IGSF10: variants seen among roughly 807,000 people sequenced by gnomAD.
IGSF10 encodes calvaria mechanical force protein 608.
In IGSF10, 126 loss-of-function variants were observed where a neutral mutation model predicts 128.2. That is an observed-to-expected ratio of 0.98 (90% CI 0.85 to 1.14). IGSF10 has a LOEUF of 1.14. Ranked by LOEUF, IGSF10 falls within the 50% of genes most tolerant of loss-of-function variation. The pLI is 0.00. For synonymous variants in IGSF10, 1,185 were observed against 1,146.2 expected, an observed-to-expected ratio of 1.03 and a Z score of -0.68; for missense variants, 3,295 against 3,149.8, an observed-to-expected ratio of 1.05 and a Z score of -1.10.
At chr3:151,451,706 A>G (rs1486187290) in intron 5 of IGSF10, among the ~76,000 whole-genome samples, 1 of 152,254 alleles carries the variant, frequency 6.6e-6, no homozygotes, top group Non-Finnish European at 1.5e-5. Flanking sequence ...TTTCCATTGT[A>G]TCACATGTAT....
Position 151,458,730 on chromosome 3 carries a change from CAG to C in IGSF10, c.-1-22_-1-21del, listed in dbSNP as rs770119547. The C allele has an allele frequency of 2.5e-4, 394 of 1,603,452 alleles. No individual in the cohort carries two copies. Among genetic ancestry groups the C allele is most frequent in the Non-Finnish European group, 3.1e-4 (360 of 1,173,774 alleles). ...TTCATCCTGAAAAAACATCATACCT[CAG>C]AGTTATAAAGAGTGGTGGAGCAAAG... On this transcript the variant is annotated intron_variant, in intron 2 of 7. Transcript: ENST00000282466.
chr3:151,554,974 T>C, the IGSF10 span, among the ~76,000 whole-genome samples: 1 of 152,152 alleles, frequency 6.6e-6, no homozygotes, highest in South Asian at 2.1e-4. Context: ...AATAAATAAT[T>C]GATATGGAAT....
the IGSF10 span, among the ~76,000 whole-genome samples, chr3:151,606,396 G>A: frequency 6.6e-6 from 1 of 152,058 alleles, no homozygotes; most frequent in African/African-American, 2.4e-5. Flanking sequence ...ACTAAGTGAG[G>A]GTAAGATCAT....
At chr3:151,439,736 GA>G (rs1178149860) in intron 7 of IGSF10, among the ~76,000 whole-genome samples, 1 of 152,214 alleles carries the variant, frequency 6.6e-6, no homozygotes, top group Non-Finnish European at 1.5e-5. Context: ...GAGCTGTGTG[GA>G]ATACCATTTT....
In IGSF10 at chr3:151,438,441, A is replaced by G; in HGVS notation, c.6120T>C (p.Ile2040=). ...GCTTTCTAAAATACTGCTTGTGGTC[A>G]ATTTTGGCAGGTTTCAGTCTTAGGC... The part of the protein sequence containing the change: ...HVSLRLKPAK[I]DHKQYFRKQV... Residue 2040 remains isoleucine, a synonymous_variant, in exon 8 of 8, where the codon ATT becomes ATC. Transcript: ENST00000282466. 1.9e-6 allele frequency: 3 copies of G among 1,614,086 alleles called. No homozygotes were observed. Among genetic ancestry groups the G allele is most frequent in the Non-Finnish European group, 2.5e-6 (3 of 1,180,000 alleles).
the IGSF10 span, among the ~76,000 whole-genome samples, chr3:151,525,132 C>A: frequency 6.8e-6 from 1 of 147,514 alleles, no homozygotes; most frequent in Non-Finnish European, 1.5e-5. Flanking sequence ...CTCAAGTGAT[C>A]CTTCCACCTC....
the IGSF10 span, among the ~76,000 whole-genome samples, chr3:151,571,612 G>A: frequency 3.3e-5 from 5 of 152,292 alleles, no homozygotes; most frequent in African/African-American, 9.6e-5. Flanking sequence ...AGCTTAAGGA[G>A]ATTTTGGGCT....
At chr3:151,578,870 G>C in the IGSF10 span, among the ~76,000 whole-genome samples, 1 of 152,136 alleles carries the variant, frequency 6.6e-6, no homozygotes, top group African/African-American at 2.4e-5. Flanking sequence ...GAATCATTGA[G>C]GAAGACATAC....
chr3:151,524,306 C>A, the IGSF10 span, among the ~76,000 whole-genome samples: 1 of 152,126 alleles, frequency 6.6e-6, no homozygotes, highest in Non-Finnish European at 1.5e-5. Context: ...ATAAATTATT[C>A]TACCATAAAG....
chr3:151,609,253 TG>T, the IGSF10 span, among the ~76,000 whole-genome samples: 2 of 152,112 alleles, frequency 1.3e-5, no homozygotes, highest in Non-Finnish European at 2.9e-5. Context: ...TCAGCATATC[TG>T]GGGCACAATG....
chr3:151,538,898 G>C, the IGSF10 span, among the ~76,000 whole-genome samples: 1 of 152,172 alleles, frequency 6.6e-6, no homozygotes, highest in Non-Finnish European at 1.5e-5. Flanking sequence ...AACAAAACAT[G>C]CATTGTGAGA....
chr3:151,460,414 G>A (rs1721995166), intron 1 of IGSF10, 67 bp from the exon 2 acceptor site: 1 of 389,236 alleles, frequency 2.6e-6, no homozygotes, highest in Non-Finnish European at 3.5e-6. Context: ...CTTACAGCCA[G>A]GAGTAATGCT....
At position 151,448,672 on chromosome 3, in the gene IGSF10, G is replaced by T. The variant is rs1489476312; in HGVS notation, c.1309C>A (p.Gln437Lys). ...SWLMQDQISL[Q>K]LNRTATTFST... ...AATGTGGTGGCAGTTCTGTTCAGCTGCAAGGAAATTTGGTCTTGCATTAAC... is the reference window on the plus strand; with the variant it reads ...AATGTGGTGGCAGTTCTGTTCAGCTTCAAGGAAATTTGGTCTTGCATTAAC... Residue 437 changes from glutamine (Q) to lysine (K), a missense_variant, in exon 6 of 8, where the codon CAG (glutamine) becomes AAG (lysine). Transcript: ENST00000282466. 1 of 1,614,014 alleles carries T rather than the reference G, an allele frequency of 6.2e-7. No homozygotes were observed.
the IGSF10 span, among the ~76,000 whole-genome samples, chr3:151,505,184 G>C: frequency 1.3e-5 from 2 of 152,178 alleles, no homozygotes; most frequent in African/African-American, 2.4e-5. Context: ...AAGAAAAGAG[G>C]TTTAATTGAC....
the IGSF10 span, among the ~76,000 whole-genome samples, chr3:151,571,344 T>C: frequency 9.2e-5 from 14 of 151,760 alleles, no homozygotes; most frequent in East Asian, 2.1e-3. Flanking sequence ...TTCACGATAT[T>C]GATTCCATAA....
chr3:151,556,833 C>T, the IGSF10 span, among the ~76,000 whole-genome samples: 1 of 151,998 alleles, frequency 6.6e-6, no homozygotes, highest in Admixed American at 6.6e-5. Flanking sequence ...TTGCTTAATG[C>T]CTTGGGATCC....
chr3:151,571,744 C>A, the IGSF10 span, among the ~76,000 whole-genome samples: 1 of 152,210 alleles, frequency 6.6e-6, no homozygotes, highest in African/African-American at 2.4e-5. Context: ...CTGGCCAGAA[C>A]TTCCAACACT....
the IGSF10 span, among the ~76,000 whole-genome samples, chr3:151,560,859 C>T: frequency 6.6e-6 from 1 of 152,018 alleles, no homozygotes; most frequent in African/African-American, 2.4e-5. Context: ...AAAAAGTGAC[C>T]CACATGAGTG....
At chr3:151,546,086 C>A in the IGSF10 span, among the ~76,000 whole-genome samples, 1 of 149,368 alleles carries the variant, frequency 6.7e-6, no homozygotes, top group Non-Finnish European at 1.5e-5. Context: ...TAGCTCTGTA[C>A]AGAAAGATAT....
Sources: allele counts gnomAD v4.1 joint callset (sites outside exome capture counted in the v4.1 genomes callset), GRCh38; gene constraint gnomAD v4.1.1; transcripts MANE v1.5; gene names NCBI Gene and HGNC (gene_info 2026-07-23, HGNC 2026-07-21).